The following STRBP variants were observed in gnomAD, a reference collection of about 807,000 sequenced individuals.
STRBP encodes spermatid perinuclear RNA-binding protein.
Under a neutral mutation model 80.1 loss-of-function variants are expected in STRBP, and 13 were observed. That is an observed-to-expected ratio of 0.16 (90% CI 0.11 to 0.26). The LOEUF (loss-of-function observed/expected upper bound fraction) is 0.26, where lower values mean the gene tolerates loss of function less well. Ranked by LOEUF, STRBP falls within the 10% of genes least tolerant of loss-of-function variation. STRBP has a pLI of 1.00. For synonymous variants in STRBP, 284 were observed against 291.2 expected (o/e 0.98, Z 0.25); for missense variants, 485 against 815.2 (o/e 0.59, Z 4.93).
intron 3 of STRBP, among the ~76,000 whole-genome samples, chr9:123,181,161 G>C (rs980435303): frequency 2.0e-5 from 3 of 152,158 alleles, no homozygotes; most frequent in African/African-American, 7.2e-5. Context: ...CATCTGTCTA[G>C]ATGTCTTTCT....
At chr9:123,109,930 A>G (rs2035536757) in intron 3 of STRBP, 1 of 152,238 alleles carries the variant, frequency 6.6e-6, no homozygotes, top group African/African-American at 2.4e-5. Flanking sequence ...CAGTAAATAG[A>G]TACATGATAG....
At chr9:123,215,146 G>A (rs536329446) in intron 2 of STRBP, among the ~76,000 whole-genome samples, 1 of 151,952 alleles carries the variant, frequency 6.6e-6, no homozygotes, top group South Asian at 2.1e-4. Flanking sequence ...AGCTCACTGC[G>A]ACCTCGAACT....
At chr9:123,135,589 TGCG>T (rs2036318764) in intron 16 of STRBP, among the ~76,000 whole-genome samples, 1 of 152,168 alleles carries the variant, frequency 6.6e-6, no homozygotes, top group Admixed American at 6.5e-5. Flanking sequence ...CCAAATTTTA[TGCG>T]GTCGGCAAAG....
chr9:123,213,278 C>G (rs2039776415), intron 2 of STRBP, among the ~76,000 whole-genome samples: 1 of 152,170 alleles, frequency 6.6e-6, no homozygotes. Context: ...CAGTATGCAA[C>G]AAATTCTCCA....
intron 11 of STRBP, among the ~76,000 whole-genome samples, chr9:123,151,195 C>T (rs917154424): frequency 1.3e-5 from 2 of 151,888 alleles, no homozygotes; most frequent in Non-Finnish European, 2.9e-5. Context: ...AAATCTGAAA[C>T]GATAAAAGAG....
rs1156683464 is a variant in STRBP at position 123,236,937 on chromosome 9, C to A, written c.-272G>T. ...TCACTTGCGTTCAGGAGTTCGAGAC[C>A]AGCCAGGTCAACATGGCAAAACCCC... On this transcript the variant is annotated 5_prime_UTR_variant, in exon 2 of 19. Transcript: ENST00000348403. 2 of 152,134 alleles carry A rather than the reference C, an allele frequency of 1.3e-5. No homozygotes were observed. The highest frequency in any genetic ancestry group is 2.1e-4 in the South Asian group (1 of 4,828). The allele number at this position is 152,134 out of a possible 1,614,324, so 9.4% of individuals were successfully genotyped here. A position where few individuals can be genotyped will look rare whatever the true frequency, so the allele number is the denominator to read the frequency against.
Position 123,124,515 on chromosome 9 carries a change from A to G in STRBP, c.*1082T>C, listed in dbSNP as rs955255644. The stretch of plus-strand genomic sequence containing the variant: ...CTGTCACTTTTCACAGCAGCACTCA[A>G]CAAGAACTGGGACAATCGAAGAGCA... On this transcript the variant is annotated 3_prime_UTR_variant, in exon 19 of 19. Transcript: ENST00000348403. 1.0e-6 allele frequency: 1 copy of G among 985,438 alleles called. No individual in the cohort carries two copies. The highest frequency in any genetic ancestry group is 1.2e-6 in the Non-Finnish European group (1 of 829,938). 61.0% of individuals were successfully genotyped at this position (985,438 alleles called of 1,614,324 possible). A position where few individuals can be genotyped will look rare whatever the true frequency, so the allele number is the denominator to read the frequency against.
At chr9:123,118,226 A>G (rs2035676892), downstream of STRBP, among the ~76,000 whole-genome samples, 1 of 152,184 alleles carries the variant, frequency 6.6e-6, no homozygotes, top group Non-Finnish European at 1.5e-5. Flanking sequence ...AGAATGTCCA[A>G]GTGCCTGGCA....
intron 17 of STRBP, among the ~76,000 whole-genome samples, chr9:123,129,080 G>C (rs931950295): frequency 6.6e-6 from 1 of 152,222 alleles, no homozygotes; most frequent in Admixed American, 6.5e-5. Context: ...CTTGGGGCCA[G>C]GTGTGGTGGC....
chr9:123,144,232 A>G (rs2036717445), intron 13 of STRBP, among the ~76,000 whole-genome samples: 1 of 151,480 alleles, frequency 6.6e-6, no homozygotes, highest in Non-Finnish European at 1.5e-5. Flanking sequence ...AGAAAGAAAG[A>G]TCCTATTTTT....
chr9:123,231,786 A>C (rs1330893402), intron 2 of STRBP, among the ~76,000 whole-genome samples: 2 of 152,014 alleles, frequency 1.3e-5, no homozygotes, highest in Non-Finnish European at 2.9e-5. Context: ...TCTGTCACCC[A>C]CCTTCCCTGA....
intron 1 of STRBP, among the ~76,000 whole-genome samples, chr9:123,266,614 G>C (rs2041271865): frequency 6.6e-6 from 1 of 151,766 alleles, no homozygotes; most frequent in African/African-American, 2.4e-5. Flanking sequence ...TCCACTCCTT[G>C]GATCTTCCAT....
intron 1 of STRBP, among the ~76,000 whole-genome samples, chr9:123,242,852 C>T (rs1041152971): frequency 2.0e-5 from 3 of 152,040 alleles, no homozygotes; most frequent in Non-Finnish European, 2.9e-5. Flanking sequence ...AGTCTCATTC[C>T]AATCTATTAA....
intron 1 of STRBP, among the ~76,000 whole-genome samples, chr9:123,245,603 G>C (rs527787901): frequency 6.6e-6 from 1 of 152,038 alleles, no homozygotes; most frequent in Admixed American, 6.6e-5. Flanking sequence ...GGATGGTCTC[G>C]ATCTCCTGAA....
At chr9:123,220,089 A>G (rs927429438) in intron 2 of STRBP, among the ~76,000 whole-genome samples, 11 of 152,258 alleles carry the variant, frequency 7.2e-5, no homozygotes, top group African/African-American at 2.4e-4. Context: ...TTACAGATAA[A>G]AAATTAGAGA....
chr9:123,115,668 C>A lies in STRBP; in HGVS notation c.*84+261G>T. On this transcript the variant is annotated intron_variant and NMD_transcript_variant, in intron 3 of 3. Coordinates refer to the STRBP transcript ENST00000471564. This position sits in a 1 kb window ranked among gnomAD's most constrained non-coding sequence, Gnocchi z 5.0. ...ACGTGCCCAAGAAGGGAGACATGGT[C>A]TTGGCAGCATCACCAGTCAACATCA... is the stretch of plus-strand genomic sequence containing the variant. The A allele has an allele frequency of 3.0e-6, 1 of 338,040 alleles. No homozygotes were observed. The highest frequency in any genetic ancestry group is 5.8e-6 in the Non-Finnish European group (1 of 171,838). 20.9% of individuals were successfully genotyped at this position (338,040 alleles called of 1,614,324 possible).
rs140583945 is a variant in STRBP at position 123,225,285 on chromosome 9, A to G, written c.-165+11545T>C. Among the ~76,000 whole-genome samples, 42 of 152,344 alleles carry G rather than the reference A, an allele frequency of 2.8e-4. No individual in the cohort carries two copies. The East Asian group carries it at 5.4e-3, about 20-fold the overall frequency. ...ATCAAGCTATACACACTTATGATTT[A>G]TGTAGTTTGTTTTACACTTTAACAA... On this transcript the variant is annotated intron_variant, in intron 2 of 18. Coordinates refer to ENST00000348403, the MANE Select transcript of STRBP (RefSeq NM_018387.5).
At chr9:123,225,961 C>A (rs564144817) in intron 2 of STRBP, among the ~76,000 whole-genome samples, 2 of 152,270 alleles carry the variant, frequency 1.3e-5, no homozygotes, top group African/African-American at 4.8e-5. Flanking sequence ...AAGGTATTTG[C>A]CCAACAGAAA....
intron 1 of STRBP, among the ~76,000 whole-genome samples, chr9:123,264,219 G>A (rs1408021014): frequency 6.6e-6 from 1 of 152,194 alleles, no homozygotes; most frequent in Non-Finnish European, 1.5e-5. Context: ...GCCAAAGAAG[G>A]CCTCTGTCTC....
Sources: allele counts gnomAD v4.1 joint callset (sites outside exome capture counted in the v4.1 genomes callset), GRCh38; gene constraint gnomAD v4.1.1; non-coding constraint Gnocchi (gnomAD v3.1); transcripts MANE v1.5; gene names NCBI Gene and HGNC (gene_info 2026-07-23, HGNC 2026-07-21).